The following TYW1B variants were observed in gnomAD, a reference collection of about 807,000 sequenced individuals.
TYW1B encodes the protein tRNA-yW synthesizing protein 1 homolog B, also known as S-adenosyl-L-methionine-dependent tRNA 4-demethylwyosine synthase TYW1B.
In TYW1B, 73 loss-of-function variants were observed where a neutral mutation model predicts 86.9. The ratio of observed to expected loss-of-function variants is 0.84; its 90% CI spans 0.70 to 1.02. The LOEUF is 1.02. Among genes scored for constraint, TYW1B ranks in the 50% least tolerant of loss-of-function variants. TYW1B has a pLI of 0.00. For synonymous variants in TYW1B, 248 were observed against 292.8 expected, an observed-to-expected ratio of 0.85 and a Z score of 1.56; for missense variants, 637 against 827.4, an observed-to-expected ratio of 0.77 and a Z score of 2.82.
In TYW1B at chr7:72,632,387, CGT is replaced by C. The variant is rs1491403405; in HGVS notation, c.1507-3392_1507-3391del. Among the ~76,000 whole-genome samples, 17 of 73,904 alleles carry C rather than the reference CGT, an allele frequency of 2.3e-4. 1 individual carries two copies. Among genetic ancestry groups the C allele is most frequent in the South Asian group, 6.9e-4 (2 of 2,898 alleles). 48.5% of individuals were successfully genotyped at this position (73,904 alleles called of 152,430 possible). On this transcript the variant is annotated intron_variant, in intron 11 of 13. Transcript: ENST00000620995. The stretch of plus-strand genomic sequence containing the variant: ...TATACGCATATATATTATATATATA[CGT>C]ATATATATATAATATATATATACAT...
chr7:72,653,609 A>AT (rs1813117773), intron 11 of TYW1B, among the ~76,000 whole-genome samples: 8 of 92,600 alleles, frequency 8.6e-5, no homozygotes, highest in African/African-American at 1.7e-4. Context: ...TCCGTCTCAA[A>AT]AAATAATAAT....
At chr7:72,602,806 T>C (rs1391082439) in intron 13 of TYW1B, among the ~76,000 whole-genome samples, 4 of 148,110 alleles carry the variant, frequency 2.7e-5, no homozygotes, top group East Asian at 4.2e-4. Flanking sequence ...CTGGAGAATC[T>C]TGTAGTGCCA....
chr7:72,678,262 A>AGAG (rs1234276198), intron 11 of TYW1B, among the ~76,000 whole-genome samples: 103 of 151,020 alleles, frequency 6.8e-4, no homozygotes, highest in African/African-American at 2.4e-3. Flanking sequence ...AAAAACAATC[A>AGAG]AAGAGGGATG....
chr7:72,703,854 C>CAAA (rs1200304670), intron 10 of TYW1B, among the ~76,000 whole-genome samples: 1 of 87,222 alleles, frequency 1.1e-5, no homozygotes. Context: ...GACCCTGTCT[C>CAAA]AAAAAAAAAA....
At chr7:72,799,616 C>T (rs1421715324) in intron 6 of TYW1B, among the ~76,000 whole-genome samples, 5 of 152,092 alleles carry the variant, frequency 3.3e-5, no homozygotes, top group Admixed American at 2.6e-4. Flanking sequence ...CAGACGCCCA[C>T]CACCACACCT....
At chr7:72,812,013 T>A (rs1421482615) in intron 3 of TYW1B, among the ~76,000 whole-genome samples, 49 of 151,876 alleles carry the variant, frequency 3.2e-4, no homozygotes, top group South Asian at 8.3e-4. Context: ...TTTTAAACAT[T>A]AAGTAATTTA....
chr7:72,788,618 C>T (rs13221423), intron 6 of TYW1B, among the ~76,000 whole-genome samples: 104,275 of 151,782 alleles, frequency 0.69, 36,726 homozygotes, highest in Non-Finnish European at 0.77. Flanking sequence ...CTGCAACCTC[C>T]GCTTCCGGGG....
At chr7:72,588,498 G>A (rs1696838483) in intron 13 of TYW1B, among the ~76,000 whole-genome samples, 1 of 152,154 alleles carries the variant, frequency 6.6e-6, no homozygotes, top group African/African-American at 2.4e-5. Flanking sequence ...GGGAGGGTGT[G>A]GGGGTGGTGA....
intron 7 of TYW1B, among the ~76,000 whole-genome samples, chr7:72,752,529 G>A (rs146668583): frequency 3.9e-5 from 6 of 152,146 alleles, no homozygotes; most frequent in African/African-American, 1.2e-4. Context: ...TGAAGAGTTC[G>A]AGACCACTCT....
intron 13 of TYW1B, among the ~76,000 whole-genome samples, chr7:72,592,624 G>A (rs1355277225): frequency 4.6e-5 from 7 of 152,120 alleles, no homozygotes; most frequent in African/African-American, 1.7e-4. Flanking sequence ...AAAAAGATAT[G>A]ATCCCATTCT....
chr7:72,688,985 AGCAGAGC>A (rs1318845333), intron 11 of TYW1B, among the ~76,000 whole-genome samples: 1 of 152,242 alleles, frequency 6.6e-6, no homozygotes, highest in Non-Finnish European at 1.5e-5. Context: ...ATTTTAGCTA[AGCAGAGC>A]AGGGTAAAAT....
chr7:72,614,784 C>T (rs1812029944), intron 13 of TYW1B, among the ~76,000 whole-genome samples: 1 of 152,106 alleles, frequency 6.6e-6, no homozygotes, highest in African/African-American at 2.4e-5. Flanking sequence ...ACTGAAGCAG[C>T]AATAACTGAA....
intron 6 of TYW1B, among the ~76,000 whole-genome samples, chr7:72,786,573 C>CTT (rs10630508): frequency 4.7e-5 from 5 of 107,458 alleles, no homozygotes; most frequent in African/African-American, 6.7e-5. Context: ...ATTCTTTTTT[C>CTT]TTTTTTTTTT....
At chr7:72,653,416 C>T (rs1813111857) in intron 11 of TYW1B, among the ~76,000 whole-genome samples, 1 of 151,918 alleles carries the variant, frequency 6.6e-6, no homozygotes, top group South Asian at 2.1e-4. Flanking sequence ...ACCATCCTGG[C>T]TAACACAGTG....
intron 6 of TYW1B, among the ~76,000 whole-genome samples, chr7:72,791,977 G>A (rs1271226131): frequency 2.4e-4 from 36 of 152,154 alleles, no homozygotes; most frequent in Non-Finnish European, 4.6e-4. Context: ...AAAAATGGGA[G>A]CAGTCTTGGA....
chr7:72,600,027 G>A (rs1811624993), intron 13 of TYW1B, among the ~76,000 whole-genome samples: 1 of 152,132 alleles, frequency 6.6e-6, no homozygotes, highest in Non-Finnish European at 1.5e-5. Flanking sequence ...AACTGATTCT[G>A]AGGTTTATAT....
chr7:72,809,296 G>A (rs1171652886), intron 4 of TYW1B, among the ~76,000 whole-genome samples: 2 of 152,088 alleles, frequency 1.3e-5, no homozygotes, highest in Non-Finnish European at 2.9e-5. Flanking sequence ...GCCTGCCTCG[G>A]CCTCCCAAAG....
chr7:72,609,975 G>A (rs1554435628), intron 13 of TYW1B, among the ~76,000 whole-genome samples: 1 of 152,130 alleles, frequency 6.6e-6, no homozygotes, highest in African/African-American at 2.4e-5. Context: ...GACACTGAAG[G>A]GTATCTTGAA....
At chr7:72,754,843 A>T (rs563358207) in intron 7 of TYW1B, among the ~76,000 whole-genome samples, 1 of 152,312 alleles carries the variant, frequency 6.6e-6, no homozygotes, top group South Asian at 2.1e-4. Context: ...GTTTGTACAG[A>T]AATACATAAT....
Sources: allele counts gnomAD v4.1 joint callset (sites outside exome capture counted in the v4.1 genomes callset), GRCh38; gene constraint gnomAD v4.1.1; transcripts MANE v1.5; gene names NCBI Gene and HGNC (gene_info 2026-07-23, HGNC 2026-07-21).